MTMR2: variants seen among roughly 807,000 people sequenced by gnomAD.
MTMR2 encodes the protein myotubularin related protein 2.
A neutral mutation model predicts 86.9 loss-of-function variants in MTMR2; 55 were observed. The ratio of observed to expected loss-of-function variants is 0.63; its 90% CI spans 0.51 to 0.79. The LOEUF (loss-of-function observed/expected upper bound fraction) is 0.79, where lower values mean the gene tolerates loss of function less well. MTMR2 is among the 30% of genes least tolerant of loss of function. The pLI is 0.00. For synonymous variants in MTMR2, 241 were observed against 266.8 expected, an observed-to-expected ratio of 0.90 and a Z score of 0.94; for missense variants, 659 against 772.3, an observed-to-expected ratio of 0.85 and a Z score of 1.74.
At chr11:95,910,836 T>A (rs996026192) in intron 1 of MTMR2, among the ~76,000 whole-genome samples, 2 of 152,040 alleles carry the variant, frequency 1.3e-5, no homozygotes, top group African/African-American at 4.8e-5. Flanking sequence ...TATAGTATCA[T>A]AAGCACTGTT....
intron 1 of MTMR2, among the ~76,000 whole-genome samples, chr11:95,904,418 G>T (rs1333300700): frequency 6.6e-6 from 1 of 152,148 alleles, no homozygotes; most frequent in Non-Finnish European, 1.5e-5. Context: ...TTGAATAGGG[G>T]CTGGGTAAAA....
chr11:95,915,231 G>C (rs990301735), intron 1 of MTMR2, among the ~76,000 whole-genome samples: 1 of 152,078 alleles, frequency 6.6e-6, no homozygotes, highest in Non-Finnish European at 1.5e-5. Context: ...GTAATCACCA[G>C]CCCATCATCA....
intron 2 of MTMR2, among the ~76,000 whole-genome samples, chr11:95,870,692 G>T (rs1313478417): frequency 6.7e-6 from 1 of 150,314 alleles, no homozygotes; most frequent in African/African-American, 2.5e-5. Flanking sequence ...AAAAACACCA[G>T]GAACCTATCT....
chr11:95,895,563 A>G (rs1865852643), intron 1 of MTMR2, among the ~76,000 whole-genome samples: 1 of 152,178 alleles, frequency 6.6e-6, no homozygotes, highest in Non-Finnish European at 1.5e-5. Flanking sequence ...CACTCACACT[A>G]TACTGTCTAT....
chr11:95,847,648 T>A, intron 10 of MTMR2, 66 bp downstream of exon 10: 3 of 1,417,960 alleles, frequency 2.1e-6, no homozygotes, highest in Non-Finnish European at 3.0e-6. Context: ...CAATTATAAG[T>A]AAAAAGCTAA....
At chr11:95,904,647 T>C (rs748215759) in intron 1 of MTMR2, among the ~76,000 whole-genome samples, 1 of 152,232 alleles carries the variant, frequency 6.6e-6, no homozygotes. Context: ...ATGGCAATCA[T>C]GAATAATCCA....
At chr11:95,902,130 C>T (rs2135582620) in intron 1 of MTMR2, among the ~76,000 whole-genome samples, 1 of 152,272 alleles carries the variant, frequency 6.6e-6, no homozygotes, top group East Asian at 1.9e-4. Context: ...TACTTAGTAG[C>T]CATGTGACCA....
chr11:95,841,404 A>G (rs1231929872), intron 12 of MTMR2, among the ~76,000 whole-genome samples: 2 of 152,206 alleles, frequency 1.3e-5, no homozygotes, highest in Non-Finnish European at 2.9e-5. Context: ...GTTATTATCA[A>G]TGCTACTCAC....
chr11:95,915,826 T>G (rs772213727), intron 1 of MTMR2, among the ~76,000 whole-genome samples: 16 of 152,156 alleles, frequency 1.1e-4, no homozygotes, highest in Non-Finnish European at 1.8e-4. Flanking sequence ...GTGCAATTCC[T>G]TGAGCTCTTC....
intron 12 of MTMR2, among the ~76,000 whole-genome samples, chr11:95,840,650 C>G (rs1432170916): frequency 6.6e-6 from 1 of 152,054 alleles, no homozygotes; most frequent in Non-Finnish European, 1.5e-5. Context: ...CTAAATAATT[C>G]ACCCAAGTAG....
At position 95,857,576 on chromosome 11, in the gene MTMR2, G is replaced by T. The variant is rs199736817; in HGVS notation, c.630C>A (p.Asp210Glu). 3.7e-6 allele frequency: 6 copies of T among 1,611,804 alleles called. No homozygotes were observed. The highest frequency in any genetic ancestry group is 3.3e-5 in the Admixed American group (2 of 59,994). Residue 210 changes from aspartate to glutamate, a missense_variant, in exon 7 of 15, where the codon GAC (aspartate) becomes GAA (glutamate). Coordinates refer to ENST00000346299, the MANE Select transcript of MTMR2 (RefSeq NM_016156.6). The stretch of plus-strand genomic sequence containing the variant: ...CCTGCCTTCTATACTCTAAAAGAGG[G>T]TCATATAGCTTCCACCCATTTTCAG... ...VFPENGWKLY[D>E]PLLEYRRQGI...
chr11:95,867,487 C>T (rs562536359), intron 2 of MTMR2, among the ~76,000 whole-genome samples: 1 of 152,244 alleles, frequency 6.6e-6, no homozygotes, highest in Admixed American at 6.5e-5. Context: ...ATGCAAGCAG[C>T]ACACTTTGAG....
chr11:95,840,193 T>G (rs1863483871), intron 12 of MTMR2: 1 of 152,262 alleles, frequency 6.6e-6, no homozygotes, highest in African/African-American at 2.4e-5. Context: ...TCAGAACTGA[T>G]ACATTCAAAC....
intron 2 of MTMR2, among the ~76,000 whole-genome samples, chr11:95,883,886 T>C (rs1290556751): frequency 2.0e-5 from 3 of 152,176 alleles, no homozygotes; most frequent in Non-Finnish European, 4.4e-5. Context: ...ACCTACACAA[T>C]TTAACCTTTT....
At chr11:95,870,860 A>G (rs185764987) in intron 2 of MTMR2, among the ~76,000 whole-genome samples, 87 of 151,470 alleles carry the variant, frequency 5.7e-4, no homozygotes, top group African/African-American at 2.0e-3. Flanking sequence ...AACATTAGGT[A>G]TATCTCCTAA....
chr11:95,881,776 A>C (rs1470109315), intron 2 of MTMR2, among the ~76,000 whole-genome samples: 1 of 151,972 alleles, frequency 6.6e-6, no homozygotes, highest in African/African-American at 2.4e-5. Context: ...AAATAATGAA[A>C]GTTTTGTTTA....
At chr11:95,886,043 C>CA (rs1865501507) in intron 2 of MTMR2, among the ~76,000 whole-genome samples, 1 of 151,918 alleles carries the variant, frequency 6.6e-6, no homozygotes, top group South Asian at 2.1e-4. Context: ...TCATCAAAAA[C>CA]AAAAAAGTCT....
intron 3 of MTMR2, among the ~76,000 whole-genome samples, chr11:95,862,850 T>C (rs1864476459): frequency 6.6e-6 from 1 of 152,234 alleles, no homozygotes; most frequent in African/African-American, 2.4e-5. Context: ...CCTGATCTGA[T>C]TAATACTTAT....
At chr11:95,912,681 T>C (rs149624427) in intron 1 of MTMR2, among the ~76,000 whole-genome samples, 2 of 151,942 alleles carry the variant, frequency 1.3e-5, no homozygotes, top group South Asian at 2.1e-4. Flanking sequence ...AAAAATACTT[T>C]ATAAATTTCA....
Sources: allele counts gnomAD v4.1 joint callset (sites outside exome capture counted in the v4.1 genomes callset), GRCh38; gene constraint gnomAD v4.1.1; transcripts MANE v1.5; gene names NCBI Gene and HGNC (gene_info 2026-07-23, HGNC 2026-07-21).